The following UNC13C variants were observed in gnomAD, a reference collection of about 807,000 sequenced individuals.
The protein encoded by UNC13C is protein unc-13 homolog C.
In UNC13C, 174 loss-of-function variants were observed where a neutral mutation model predicts 245.4. The ratio of observed to expected loss-of-function variants is 0.71; its 90% CI spans 0.63 to 0.80. The LOEUF (loss-of-function observed/expected upper bound fraction) is 0.80. Among genes scored for constraint, UNC13C ranks in the 30% least tolerant of loss-of-function variants. UNC13C has a pLI of 0.00. For synonymous variants in UNC13C, 992 were observed against 895.1 expected (o/e 1.11, Z -1.93); for missense variants, 2,829 against 2,602.9 (o/e 1.09, Z -1.89).
At chr15:54,561,905 C>A (rs899182016) in intron 29 of UNC13C, among the ~76,000 whole-genome samples, 4 of 151,638 alleles carry the variant, frequency 2.6e-5, no homozygotes, top group African/African-American at 9.7e-5. Context: ...GTGACACAAG[C>A]CAGGGAGAGT....
intron 2 of UNC13C, chr15:54,048,655 G>C (rs534899146): frequency 3.7e-5 from 13 of 354,606 alleles, no homozygotes; most frequent in Non-Finnish European, 1.1e-5. Flanking sequence ...ATAGCAGCTA[G>C]ACAAGCTCAC....
At chr15:53,966,585 G>T in the UNC13C span, among the ~76,000 whole-genome samples, 1 of 151,734 alleles carries the variant, frequency 6.6e-6, no homozygotes, top group African/African-American at 2.4e-5. Flanking sequence ...TAACTTCATT[G>T]CCTGTTGGCA....
At chr15:53,994,530 T>C (rs1309865201) in intron 1 of UNC13C, among the ~76,000 whole-genome samples, 1 of 152,022 alleles carries the variant, frequency 6.6e-6, no homozygotes, top group Admixed American at 6.6e-5. Flanking sequence ...TCACACTAGA[T>C]CAAATACTCT....
intron 8 of UNC13C, among the ~76,000 whole-genome samples, chr15:54,262,109 T>A (rs970260340): frequency 2.6e-5 from 4 of 152,244 alleles, no homozygotes; most frequent in Non-Finnish European, 5.9e-5. Context: ...TTCCTTTAGA[T>A]GAAAAATCTC....
At chr15:54,048,405 T>C (rs756483312) in intron 2 of UNC13C, among the ~76,000 whole-genome samples, 7 of 152,238 alleles carry the variant, frequency 4.6e-5, no homozygotes, top group Non-Finnish European at 8.8e-5. Context: ...TTGCAGCCAA[T>C]TCCAGTGCCC....
chr15:54,137,926 T>C (rs2031818367), intron 2 of UNC13C, among the ~76,000 whole-genome samples: 1 of 152,178 alleles, frequency 6.6e-6, no homozygotes, highest in East Asian at 1.9e-4. Context: ...GGTTGTTTAT[T>C]TGAGATCTTT....
the UNC13C span, among the ~76,000 whole-genome samples, chr15:53,874,328 T>C: frequency 6.6e-6 from 1 of 152,216 alleles, no homozygotes; most frequent in Admixed American, 6.5e-5. Flanking sequence ...TAATTAGTAT[T>C]ATTCTCATTT....
chr15:54,114,969 C>A (rs1470398206), intron 2 of UNC13C, among the ~76,000 whole-genome samples: 1 of 152,076 alleles, frequency 6.6e-6, no homozygotes, highest in African/African-American at 2.4e-5. Context: ...CAGATTTCCA[C>A]TTAATGAATT....
At chr15:53,895,421 G>A in the UNC13C span, among the ~76,000 whole-genome samples, 3 of 150,246 alleles carry the variant, frequency 2.0e-5, no homozygotes, top group Non-Finnish European at 4.4e-5. Context: ...AAAACAGGTT[G>A]TAAGTAATTT....
chr15:53,867,467 A>G, the UNC13C span, among the ~76,000 whole-genome samples: 2 of 152,202 alleles, frequency 1.3e-5, no homozygotes, highest in Non-Finnish European at 2.9e-5. Flanking sequence ...CTGTCTGTAC[A>G]GATTAGTGAA....
chr15:54,021,022 GT>G lies in UNC13C; in HGVS notation c.2983+5143del, dbSNP rs369987479. Among the ~76,000 whole-genome samples the G allele has an allele frequency of 1.4e-3, 209 of 151,868 alleles. 1 individual carries two copies. Among genetic ancestry groups the G allele is most frequent in the African/African-American group, 4.8e-3 (199 of 41,382 alleles). On this transcript the variant is annotated intron_variant, in intron 2 of 32. Coordinates refer to ENST00000260323, the MANE Select transcript of UNC13C (RefSeq NM_001080534.3). The stretch of plus-strand genomic sequence containing the variant: ...GAATTATCTATAAAGTGATTCTCTT[GT>G]TTTTTTAATTGACATTTTTATTTGA...
rs149733946 is a variant in UNC13C at position 54,573,664 on chromosome 15, C to G, written c.6106+5717C>G. On this transcript the variant is annotated intron_variant, in intron 30 of 32. Transcript: ENST00000260323. ...CAAGTTGCTCTAATATGGTGCTTCT[C>G]AAGTAGGGGTGGTTTTCCCCCTCAG... 2.0e-3 allele frequency among the ~76,000 whole-genome samples: 297 copies of G among 152,264 alleles called. 1 individual carries two copies. The highest frequency in any genetic ancestry group is 6.9e-3 in the African/African-American group (286 of 41,554).
At chr15:54,036,038 A>T (rs1196931594) in intron 2 of UNC13C, among the ~76,000 whole-genome samples, 2 of 152,200 alleles carry the variant, frequency 1.3e-5, no homozygotes, top group African/African-American at 4.8e-5. Context: ...GGTGACTGCA[A>T]GCCAAGTTGA....
the UNC13C span, among the ~76,000 whole-genome samples, chr15:53,903,331 G>A: frequency 6.6e-6 from 1 of 152,168 alleles, no homozygotes; most frequent in African/African-American, 2.4e-5. Context: ...CCTTGATGGA[G>A]CCTATCAAAA....
At chr15:54,158,503 T>G (rs994573514) in intron 4 of UNC13C, among the ~76,000 whole-genome samples, 38 of 152,078 alleles carry the variant, frequency 2.5e-4, no homozygotes, top group African/African-American at 8.7e-4. Context: ...GTATTTTTAG[T>G]AGAGACGGGA....
At chr15:54,141,421 G>C (rs2032012457) in intron 2 of UNC13C, among the ~76,000 whole-genome samples, 1 of 152,052 alleles carries the variant, frequency 6.6e-6, no homozygotes, top group Non-Finnish European at 1.5e-5. Context: ...TTTTAATGGT[G>C]ATGGAAATGC....
chr15:53,845,369 A>G, the UNC13C span, among the ~76,000 whole-genome samples: 1 of 152,002 alleles, frequency 6.6e-6, no homozygotes, highest in Non-Finnish European at 1.5e-5. Context: ...ATGGAACAGT[A>G]TAGAAAACTG....
intron 19 of UNC13C, among the ~76,000 whole-genome samples, chr15:54,478,951 T>C (rs1046054862): frequency 6.6e-6 from 1 of 152,094 alleles, no homozygotes; most frequent in East Asian, 1.9e-4. Flanking sequence ...AGTCTAAGTC[T>C]CTTTGTAGGT....
chr15:53,854,797 T>C, the UNC13C span, among the ~76,000 whole-genome samples: 1 of 152,308 alleles, frequency 6.6e-6, no homozygotes, highest in Non-Finnish European at 1.5e-5. Context: ...TTGTTCCATA[T>C]GAAGTTTAAA....
Sources: allele counts gnomAD v4.1 joint callset (sites outside exome capture counted in the v4.1 genomes callset), GRCh38; gene constraint gnomAD v4.1.1; transcripts MANE v1.5; gene names NCBI Gene and HGNC (gene_info 2026-07-23, HGNC 2026-07-21).